Variants in EPS8 observed in about 807,000 individuals in gnomAD.
EPS8 encodes EGFR pathway substrate 8, signaling adaptor.
EPS8 carries 42 observed loss-of-function variants against 103.8 expected under a neutral mutation model. That is an observed-to-expected ratio of 0.40 (90% CI 0.32 to 0.52). The LOEUF (loss-of-function observed/expected upper bound fraction) is 0.52. Among genes scored for constraint, EPS8 ranks in the 20% least tolerant of loss-of-function variants. EPS8 has a pLI of 0.40. For missense variants in EPS8, 969 were observed against 1,005.1 expected (o/e 0.96, Z 0.49); for synonymous variants, 344 against 344.6 (o/e 1.00, Z 0.02).
intron 15 of EPS8, among the ~76,000 whole-genome samples, chr12:15,646,325 G>T (rs934029557): frequency 2.0e-5 from 3 of 152,074 alleles, no homozygotes; most frequent in African/African-American, 7.2e-5. Context: ...AAGAAGTAAA[G>T]GGCATATAAC....
At position 15,717,947 on chromosome 12, in the gene EPS8, C is replaced by T. The variant is rs566932441; in HGVS notation, c.-21-34975G>A. Reference sequence around the variant, plus strand: ...CTGTACAGCTCCAATAAGACATGATCTTATTTGGCAATTTCAGTTAAAAAG... The same window carrying T: ...CTGTACAGCTCCAATAAGACATGATTTTATTTGGCAATTTCAGTTAAAAAG... On this transcript the variant is annotated intron_variant, in intron 1 of 20. Transcript: ENST00000281172. The surrounding 1 kb of genome is among the most constrained non-coding windows in gnomAD (Gnocchi z 4.3). 6.6e-6 allele frequency among the ~76,000 whole-genome samples: 1 copy of T among 152,260 alleles called. No homozygotes were observed. Among genetic ancestry groups the T allele is most frequent in the South Asian group, 2.1e-4 (1 of 4,824 alleles).
intron 1 of EPS8, among the ~76,000 whole-genome samples, chr12:15,724,028 T>C (rs1450756035): frequency 6.6e-6 from 1 of 152,194 alleles, no homozygotes; most frequent in Non-Finnish European, 1.5e-5. Context: ...CTAGAATTCA[T>C]TGACTTAACA....
intron 14 of EPS8, among the ~76,000 whole-genome samples, chr12:15,647,652 C>T (rs1486896519): frequency 6.6e-6 from 1 of 152,164 alleles, no homozygotes; most frequent in African/African-American, 2.4e-5. Flanking sequence ...ATCATATTTA[C>T]TGTTAAGGGA....
chr12:15,638,323 G>A (rs1261998428), intron 17 of EPS8, among the ~76,000 whole-genome samples: 1 of 152,046 alleles, frequency 6.6e-6, no homozygotes, highest in Non-Finnish European at 1.5e-5. Context: ...AATCCTTTTA[G>A]AGTAGGATTT....
intron 1 of EPS8, among the ~76,000 whole-genome samples, chr12:15,694,266 G>C (rs1428425277): frequency 6.6e-6 from 1 of 151,988 alleles, no homozygotes; most frequent in East Asian, 1.9e-4. Context: ...ATAACAACCA[G>C]AGTGAAAGTA....
Position 15,725,018 on chromosome 12 carries a change from A to G in EPS8, c.-21-42046T>C, listed in dbSNP as rs1335992964. Among the ~76,000 whole-genome samples the G allele has an allele frequency of 6.6e-6, 1 of 152,150 alleles. No homozygotes were observed. The highest frequency in any genetic ancestry group is 1.5e-5 in the Non-Finnish European group (1 of 68,014). ...TCACTTTGTCATTTTGAATTATGTC[A>G]CAATGAAAAAAATTCAACATCCACA... On this transcript the variant is annotated intron_variant, in intron 1 of 20. Transcript: ENST00000281172. The surrounding 1 kb of genome is among the most constrained non-coding windows in gnomAD (Gnocchi z 4.5).
In EPS8 at chr12:15,682,927, G is replaced by T; in HGVS notation, c.25C>A (p.Pro9Thr). MNGHISNH[P>T]SSFGMYPSQM... ...GATGGGTACATTCCAAAACTACTGGGATGATTAGAAATATGACCATTCATT... is the reference window on the plus strand; with the variant it reads ...GATGGGTACATTCCAAAACTACTGGTATGATTAGAAATATGACCATTCATT... The change falls in exon 2 of 21, where the codon CCC becomes ACC. Residue 9 changes from proline to threonine, a missense_variant. Physicochemically the swap from Pro to Thr is conservative, Grantham distance 38 (BLOSUM62 -1). Transcript: ENST00000281172. The T allele has an allele frequency of 6.3e-7, 1 of 1,585,424 alleles. No homozygotes were observed. The highest frequency in any genetic ancestry group is 8.6e-7 in the Non-Finnish European group (1 of 1,163,884).
At position 15,752,334 on chromosome 12, in the gene EPS8, C is replaced by T. The variant is rs368503384; in HGVS notation, c.-22+36827G>A. 8.6e-5 allele frequency among the ~76,000 whole-genome samples: 13 copies of T among 151,998 alleles called. No homozygotes were observed. The highest frequency in any genetic ancestry group is 3.1e-4 in the African/African-American group (13 of 41,430). ...TGGTGGCGGGTGCCTGTAGTCCCAG[C>T]TACAAGGGAGGCTAAGGCAGGAGAA... On this transcript the variant is annotated intron_variant, in intron 1 of 20. Coordinates refer to ENST00000281172, the MANE Select transcript of EPS8 (RefSeq NM_004447.6). The surrounding 1 kb of genome is among the most constrained non-coding windows in gnomAD (Gnocchi z 4.4).
intron 6 of EPS8, 92 bp downstream of exon 6, chr12:15,669,295 A>T (rs4237957): frequency 1.8e-6 from 2 of 1,125,286 alleles, no homozygotes; most frequent in Non-Finnish European, 2.5e-6. Flanking sequence ...AAATCTAGTA[A>T]CTAATATGCA....
At chr12:15,645,464 CAAT>C (rs1341788833) in intron 15 of EPS8, among the ~76,000 whole-genome samples, 5 of 151,948 alleles carry the variant, frequency 3.3e-5, no homozygotes. Flanking sequence ...ATTTAACTTT[CAAT>C]AATAATACCA....
intron 1 of EPS8, among the ~76,000 whole-genome samples, chr12:15,705,674 C>T (rs926768784): frequency 1.3e-5 from 2 of 152,250 alleles, no homozygotes; most frequent in African/African-American, 2.4e-5. Context: ...CATGAATGTA[C>T]CTTCCTTTTA....
At chr12:15,657,797 A>G (rs1480259242) in intron 12 of EPS8, 1 of 331,308 alleles carries the variant, frequency 3.0e-6, no homozygotes, top group Non-Finnish European at 5.6e-6. Context: ...ATATACTAGT[A>G]TACGTTGAAA....
At chr12:15,681,728 CAAAA>C (rs71042267) in intron 2 of EPS8, among the ~76,000 whole-genome samples, 1 of 39,230 alleles carries the variant, frequency 2.5e-5, no homozygotes, top group Non-Finnish European at 5.1e-5. Context: ...GACTCTGTCT[CAAAA>C]AAAAAAAAAA....
rs537901935 is a variant in EPS8, at chr12:15,696,192, T to A, written c.-21-13220A>T. Among the ~76,000 whole-genome samples the A allele has an allele frequency of 6.6e-6, 1 of 152,284 alleles. No homozygotes were observed. Among genetic ancestry groups the A allele is most frequent in the East Asian group, 1.9e-4 (1 of 5,180 alleles). On this transcript the variant is annotated intron_variant, in intron 1 of 20. Transcript: ENST00000281172. This position sits in a 1 kb window ranked among gnomAD's most constrained non-coding sequence, Gnocchi z 4.8. ...GAAACAGTACTCTGTTGACAAAAAA[T>A]ATGTAAAAATAATTCTGAATGAGAA...
intron 20 of EPS8, 37 bp from the exon 21 acceptor site, chr12:15,621,467 C>T: frequency 8.6e-7 from 1 of 1,168,988 alleles, no homozygotes; most frequent in Non-Finnish European, 1.2e-6. Context: ...TAGTTACTGA[C>T]TTGTGCAGGC....
In EPS8 at chr12:15,728,575, C is replaced by A. The variant is rs1946680268; in HGVS notation, c.-21-45603G>T. On this transcript the variant is annotated intron_variant, in intron 1 of 20. Coordinates refer to ENST00000281172, the MANE Select transcript of EPS8 (RefSeq NM_004447.6). This position sits in a 1 kb window ranked among gnomAD's most constrained non-coding sequence, Gnocchi z 4.5. ...AAGAGTCAGGCATTGCTCCTAATAC[C>A]ACCATATTTATGTGAGGATAGCATA... Among the ~76,000 whole-genome samples the A allele has an allele frequency of 6.6e-6, 1 of 152,124 alleles. No homozygotes were observed. Among genetic ancestry groups the A allele is most frequent in the South Asian group, 2.1e-4 (1 of 4,826 alleles).
In EPS8 at chr12:15,779,491, A is replaced by G. The variant is rs1043734924; in HGVS notation, c.-22+9670T>C. Among the ~76,000 whole-genome samples the G allele has an allele frequency of 1.3e-5, 2 of 152,212 alleles. No homozygotes were observed. Among genetic ancestry groups the G allele is most frequent in the African/African-American group, 2.4e-5 (1 of 41,460 alleles). On this transcript the variant is annotated intron_variant, in intron 1 of 20. Transcript: ENST00000281172. This position sits in a 1 kb window ranked among gnomAD's most constrained non-coding sequence, Gnocchi z 4.3. ...TTCTCAAAAGAGACAGATTTTACAC[A>G]TATTTTTATTTGCAGCTTTGTTTTT...
rs2135966190 is a variant in EPS8, at chr12:15,714,974, T to C, written c.-21-32002A>G. On this transcript the variant is annotated intron_variant, in intron 1 of 20. Coordinates refer to ENST00000281172, the MANE Select transcript of EPS8 (RefSeq NM_004447.6). The surrounding 1 kb of genome is among the most constrained non-coding windows in gnomAD (Gnocchi z 4.1). ...AAATTCTGACCCATCCCCTGGGCCATTCCTTCCCATCTCCAGCACCCCTGC... is the reference window on the plus strand; with the variant it reads ...AAATTCTGACCCATCCCCTGGGCCACTCCTTCCCATCTCCAGCACCCCTGC... Among the ~76,000 whole-genome samples the C allele has an allele frequency of 6.6e-6, 1 of 152,224 alleles. No individual in the cohort carries two copies.
At chr12:15,630,591 T>G (rs547210138) in intron 18 of EPS8, among the ~76,000 whole-genome samples, 2 of 152,296 alleles carry the variant, frequency 1.3e-5, no homozygotes, top group Admixed American at 1.3e-4. Context: ...GAAGTGTAAG[T>G]CACATGAAAT....
Sources: gnomAD v4.1 joint callset for allele counts (sites outside exome capture counted in the v4.1 genomes callset) on GRCh38, gnomAD v4.1.1 for gene constraint, Gnocchi (gnomAD v3.1) non-coding constraint, MANE v1.5 for transcripts, NCBI Gene and HGNC (gene_info 2026-07-23, HGNC 2026-07-21) for gene names.